The following TMEM117 variants were observed in gnomAD, a reference collection of about 807,000 sequenced individuals.
TMEM117 encodes the protein transmembrane protein 117.
TMEM117 carries 27 observed loss-of-function variants against 52.4 expected under a neutral mutation model. That is an observed-to-expected ratio of 0.51 (90% CI 0.38 to 0.71). TMEM117 has a LOEUF of 0.71. TMEM117 is among the 30% of genes least tolerant of loss of function. The probability of loss-of-function intolerance (pLI) is 0.00; values close to 1 mark genes in which losing one functional copy is unlikely to be tolerated. For missense variants in TMEM117, 556 were observed against 630.5 expected, an observed-to-expected ratio of 0.88 and a Z score of 1.26; for synonymous variants, 215 against 206.3, an observed-to-expected ratio of 1.04 and a Z score of -0.36.
chr12:44,028,951 G>A (rs560264948), intron 3 of TMEM117, among the ~76,000 whole-genome samples: 3 of 152,220 alleles, frequency 2.0e-5, no homozygotes, highest in African/African-American at 7.2e-5. Context: ...GGTAAGTGGT[G>A]GGGTCCAGTA....
At chr12:43,951,827 C>T (rs1211605403) in intron 3 of TMEM117, among the ~76,000 whole-genome samples, 1 of 152,222 alleles carries the variant, frequency 6.6e-6, no homozygotes, top group African/African-American at 2.4e-5. Flanking sequence ...TCCCTGACCC[C>T]ATGCCTCCTA....
At chr12:44,063,057 T>C (rs1259619180) in intron 3 of TMEM117, among the ~76,000 whole-genome samples, 1 of 152,198 alleles carries the variant, frequency 6.6e-6, no homozygotes, top group Admixed American at 6.5e-5. Flanking sequence ...GTCTTCTCAG[T>C]TGAACAGTCT....
chr12:43,886,038 C>A (rs992698090), intron 2 of TMEM117, among the ~76,000 whole-genome samples: 8 of 152,062 alleles, frequency 5.3e-5, no homozygotes, highest in African/African-American at 1.5e-4. Context: ...CATGGGGGAA[C>A]CTTGTGTATC....
intron 3 of TMEM117, among the ~76,000 whole-genome samples, chr12:44,123,208 T>C (rs917600739): frequency 1.3e-5 from 2 of 152,054 alleles, no homozygotes; most frequent in African/African-American, 4.8e-5. Context: ...TTTCTTCTTT[T>C]GAGAAGTGTC....
intron 3 of TMEM117, among the ~76,000 whole-genome samples, chr12:44,105,395 A>C (rs919676752): frequency 5.9e-5 from 9 of 152,010 alleles, no homozygotes; most frequent in Admixed American, 1.3e-4. Context: ...GAATCTTTAG[A>C]ATATTAATCA....
At chr12:44,094,605 C>A (rs543481481) in intron 3 of TMEM117, among the ~76,000 whole-genome samples, 1 of 152,070 alleles carries the variant, frequency 6.6e-6, no homozygotes, top group Non-Finnish European at 1.5e-5. Context: ...TCAATCGACA[C>A]AAATATCCCC....
chr12:44,161,545 G>A (rs1044842918), intron 4 of TMEM117, among the ~76,000 whole-genome samples: 1 of 152,118 alleles, frequency 6.6e-6, no homozygotes, highest in Admixed American at 6.6e-5. Context: ...CTAATTAAAC[G>A]AATGGAATTT....
chr12:44,020,925 A>G (rs949479275), intron 3 of TMEM117, among the ~76,000 whole-genome samples: 2 of 152,186 alleles, frequency 1.3e-5, no homozygotes, highest in Non-Finnish European at 2.9e-5. Context: ...GATGATAATA[A>G]CTATAGGGCT....
chr12:44,396,584 T>TG, the TMEM117 span, among the ~76,000 whole-genome samples: 2 of 152,114 alleles, frequency 1.3e-5, no homozygotes, highest in Non-Finnish European at 2.9e-5. Flanking sequence ...CCGGGTGCGG[T>TG]GGCTCAAGCC....
chr12:43,995,256 TA>T lies in TMEM117; in HGVS notation c.410+50929del, dbSNP rs748844343. ...ACTGCACTCCAGCAAGGCTCTGTCT[TA>T]AAAAAAAAAAAAAAGGAAATTAAGG... On this transcript the variant is annotated intron_variant, in intron 3 of 7. Transcript: ENST00000266534. Among the ~76,000 whole-genome samples, 992 of 122,924 alleles carry T rather than the reference TA, an allele frequency of 8.1e-3. 4 individuals are homozygous for T. Among genetic ancestry groups the T allele is most frequent in the East Asian group, 0.021 (98 of 4,664 alleles). 80.6% of individuals were successfully genotyped at this position (122,924 alleles called of 152,430 possible).
At chr12:43,971,285 A>G (rs564951400) in intron 3 of TMEM117, among the ~76,000 whole-genome samples, 2 of 152,290 alleles carry the variant, frequency 1.3e-5, no homozygotes, top group South Asian at 4.1e-4. Context: ...TAATTCCTCT[A>G]AAACATTTAT....
intron 2 of TMEM117, among the ~76,000 whole-genome samples, chr12:43,894,997 T>A (rs1390226336): frequency 6.6e-6 from 1 of 152,238 alleles, no homozygotes; most frequent in Non-Finnish European, 1.5e-5. Flanking sequence ...TTTGCTTTTT[T>A]TAACTTTTAT....
At chr12:43,896,585 C>T (rs1372425032) in intron 2 of TMEM117, among the ~76,000 whole-genome samples, 7 of 151,960 alleles carry the variant, frequency 4.6e-5, no homozygotes, top group Non-Finnish European at 8.8e-5. Context: ...ACATTGGATT[C>T]ATTGTAACAG....
downstream of TMEM117, among the ~76,000 whole-genome samples, chr12:44,394,539 C>A (rs1952173035): frequency 1.3e-5 from 2 of 152,210 alleles, no homozygotes; most frequent in Admixed American, 6.5e-5. Flanking sequence ...TTAAAGCAAG[C>A]AGCTATATTG....
intron 4 of TMEM117, among the ~76,000 whole-genome samples, chr12:44,183,450 C>T (rs532946591): frequency 1.3e-5 from 2 of 152,302 alleles, no homozygotes; most frequent in Admixed American, 6.5e-5. Context: ...CTTAGCTATA[C>T]TAAAGGTATG....
Position 44,299,685 on chromosome 12 carries a change from C to G in TMEM117, c.714C>G (p.Ser238=). ...GATTTTTGCCCAGTGATGAAGTTTC[C>G]AGAGCATTCCTTGCTTCTTTTATCT... ...NRGFLPSDEV[S]RAFLASFILV... is the part of the protein sequence containing the mutation. Residue 238 remains serine (S), a synonymous_variant, in exon 6 of 8, where the codon TCC becomes TCG. Coordinates refer to ENST00000266534, the MANE Select transcript of TMEM117 (RefSeq NM_032256.3). 1.2e-6 allele frequency: 2 copies of G among 1,614,150 alleles called. No homozygotes were observed. The highest frequency in any genetic ancestry group is 1.7e-6 in the Non-Finnish European group (2 of 1,180,018).
In TMEM117 at chr12:43,906,258, T is replaced by A. The variant is rs572568852; in HGVS notation, c.278-37952T>A. 1.2e-3 allele frequency among the ~76,000 whole-genome samples: 180 copies of A among 151,802 alleles called. 1 individual carries two copies. Among genetic ancestry groups the A allele is most frequent in the African/African-American group, 3.7e-3 (155 of 41,390 alleles). ...AAGGTGGATCTCTCGAGGTCTGGAG[T>A]TCGAGACCAGCCTGGCCAACATGGT... On this transcript the variant is annotated intron_variant, in intron 2 of 7. Transcript: ENST00000266534.
At chr12:43,856,813 G>GA (rs573654891) in intron 2 of TMEM117, among the ~76,000 whole-genome samples, 257 of 148,812 alleles carry the variant, frequency 1.7e-3, no homozygotes, top group Non-Finnish European at 2.4e-3. Context: ...GAACACTCAT[G>GA]AAAAAAAAAT....
chr12:44,002,004 G>A (rs1565787572), intron 3 of TMEM117, among the ~76,000 whole-genome samples: 1 of 152,122 alleles, frequency 6.6e-6, no homozygotes, highest in Non-Finnish European at 1.5e-5. Flanking sequence ...GCTCCTGGAG[G>A]ACATGGCACC....
Sources: gnomAD v4.1 joint callset for allele counts (sites outside exome capture counted in the v4.1 genomes callset) on GRCh38, gnomAD v4.1.1 for gene constraint, MANE v1.5 for transcripts, NCBI Gene and HGNC (gene_info 2026-07-23, HGNC 2026-07-21) for gene names.